Variants in TUSC3 observed in about 807,000 individuals in gnomAD.
The protein encoded by TUSC3 is dolichyl-diphosphooligosaccharide--protein glycosyltransferase subunit TUSC3.
In TUSC3, 45 loss-of-function variants were observed where a neutral mutation model predicts 44.8. That is an observed-to-expected ratio of 1.00 (90% confidence interval 0.79 to 1.29). TUSC3 has a LOEUF of 1.29. Ranked by LOEUF, TUSC3 falls within the 50% of genes most tolerant of loss-of-function variation. The pLI, the probability that TUSC3 is intolerant of heterozygous loss-of-function variation, is 0.00. For missense variants in TUSC3, 519 were observed against 437.9 expected, an observed-to-expected ratio of 1.19 and a Z score of -1.65; for synonymous variants, 212 against 152.9, an observed-to-expected ratio of 1.39 and a Z score of -2.85.
At chr8:15,823,864 A>T in the TUSC3 span, among the ~76,000 whole-genome samples, 1 of 152,202 alleles carries the variant, frequency 6.6e-6, no homozygotes, top group Admixed American at 6.5e-5. Context: ...TTCTGCTACA[A>T]ATCTCTTCCG....
At chr8:15,689,863 T>TGTGTGTGTGTAA (rs1554475557) in intron 6 of TUSC3, among the ~76,000 whole-genome samples, 210 of 14,780 alleles carry the variant, frequency 0.014, 1 homozygote, top group African/African-American at 0.022. Context: ...TGTGTGTGTG[T>TGTGTGTGTGTAA]ATAAATATAT....
intron 6 of TUSC3, among the ~76,000 whole-genome samples, chr8:15,725,737 A>G (rs1254214010): frequency 3.3e-5 from 5 of 152,292 alleles, no homozygotes; most frequent in East Asian, 3.9e-4. Context: ...GAGCTTAACA[A>G]TTTGAAGTTT....
At chr8:15,582,761 C>G (rs1263241736) in intron 1 of TUSC3, among the ~76,000 whole-genome samples, 1 of 152,214 alleles carries the variant, frequency 6.6e-6, no homozygotes, top group Non-Finnish European at 1.5e-5. Flanking sequence ...CTGGAACAAC[C>G]TGCCTCAACT....
chr8:15,640,214 C>T (rs116827454), intron 2 of TUSC3, among the ~76,000 whole-genome samples: 3,465 of 152,310 alleles, frequency 0.023, 125 homozygotes, highest in African/African-American at 0.077. Context: ...TTCTTGGGCA[C>T]TGAATCTGTA....
chr8:15,429,052 T>C (rs1382620591), intron 1 of TUSC3, among the ~76,000 whole-genome samples: 1 of 152,222 alleles, frequency 6.6e-6, no homozygotes, highest in African/African-American at 2.4e-5. Context: ...CCCATGCCTA[T>C]GTCCTGAATG....
chr8:15,732,648 A>G (rs1810772024), intron 7 of TUSC3, among the ~76,000 whole-genome samples: 1 of 152,226 alleles, frequency 6.6e-6, no homozygotes, highest in Non-Finnish European at 1.5e-5. Flanking sequence ...ATTTTTCTAG[A>G]GCAACATTTT....
intron 1 of TUSC3, among the ~76,000 whole-genome samples, chr8:15,601,331 A>G (rs1215068590): frequency 6.6e-6 from 1 of 151,784 alleles, no homozygotes; most frequent in East Asian, 1.9e-4. Flanking sequence ...TGTGACCAGT[A>G]TGCACCTGTA....
At chr8:15,629,546 C>T (rs1805664098) in intron 2 of TUSC3, among the ~76,000 whole-genome samples, 1 of 141,852 alleles carries the variant, frequency 7.0e-6, no homozygotes, top group Admixed American at 7.5e-5. Context: ...TCATTTGCGG[C>T]CATCTTGTTT....
At chr8:15,654,016 G>C in intron 3 of TUSC3, among the ~76,000 whole-genome samples, 1 of 152,122 alleles carries the variant, frequency 6.6e-6, no homozygotes, top group East Asian at 1.9e-4. Flanking sequence ...AATATGGTGT[G>C]TTAGAAGGAG....
chr8:15,547,248 T>G (rs1801901505), intron 1 of TUSC3, among the ~76,000 whole-genome samples: 1 of 151,582 alleles, frequency 6.6e-6, no homozygotes, highest in Non-Finnish European at 1.5e-5. Flanking sequence ...AATGGAAATA[T>G]TTGTGATTTT....
the TUSC3 span, among the ~76,000 whole-genome samples, chr8:15,787,448 T>C: frequency 1.3e-5 from 2 of 152,210 alleles, no homozygotes; most frequent in Non-Finnish European, 2.9e-5. Context: ...TTCTTGATTA[T>C]TGTATTTCCT....
rs143049580 is a variant in TUSC3 at position 15,525,844 on chromosome 8, C to A, written n.189+42361C>A. On this transcript the variant is annotated intron_variant and non_coding_transcript_variant, in intron 2 of 5. Coordinates refer to the TUSC3 transcript ENST00000503191. ...TGTGTGCTGGGGTAAAGAGCCTGATCGGTTAGGCCGTAATGGGGGAAAAAG... is the reference window on the plus strand; with the variant it reads ...TGTGTGCTGGGGTAAAGAGCCTGATAGGTTAGGCCGTAATGGGGGAAAAAG... 3.7e-3 allele frequency among the ~76,000 whole-genome samples: 564 copies of A among 152,096 alleles called. 1 individual carries two copies. Among genetic ancestry groups the A allele is most frequent in the African/African-American group, 0.01 (435 of 41,482 alleles).
At chr8:15,786,670 C>T in the TUSC3 span, among the ~76,000 whole-genome samples, 1 of 152,020 alleles carries the variant, frequency 6.6e-6, no homozygotes, top group Non-Finnish European at 1.5e-5. Context: ...GTGGGCCAGG[C>T]ATGGTGTCTC....
chr8:15,800,383 C>T, the TUSC3 span, among the ~76,000 whole-genome samples: 25 of 151,948 alleles, frequency 1.6e-4, no homozygotes, highest in South Asian at 3.9e-3. Flanking sequence ...GACCAGCCTG[C>T]GCAACATAGT....
intron 6 of TUSC3, among the ~76,000 whole-genome samples, chr8:15,695,267 G>C (rs1189349281): frequency 6.6e-6 from 1 of 152,144 alleles, no homozygotes; most frequent in Non-Finnish European, 1.5e-5. Flanking sequence ...GAATCATGGG[G>C]GTAGGTCTTT....
Position 15,613,028 on chromosome 8 carries a change from G to A in TUSC3, c.139-10052G>A, listed in dbSNP as rs76484336. On this transcript the variant is annotated intron_variant, in intron 1 of 10. Coordinates refer to ENST00000503731, the MANE Select transcript of TUSC3 (RefSeq NM_006765.4). ...CCGTTTACTTAAGAGCAGAGCTACA[G>A]CCATCGCATATCAATATAAGCCATA... Among the ~76,000 whole-genome samples, 1,460 of 149,516 alleles carry A rather than the reference G, an allele frequency of 9.8e-3. 59 individuals carry two copies. In the East Asian group the frequency reaches 0.11, roughly 11 times the overall value.
chr8:15,543,602 CTG>C lies in TUSC3; in HGVS notation c.138+3036_138+3037del, dbSNP rs371253969. 4.4e-4 allele frequency among the ~76,000 whole-genome samples: 67 copies of C among 151,724 alleles called. 1 individual carries two copies. The East Asian group carries it at 0.01, about 23-fold the overall frequency. On this transcript the variant is annotated intron_variant, in intron 1 of 10. Coordinates refer to ENST00000503731, the MANE Select transcript of TUSC3 (RefSeq NM_006765.4). ...ATATATAACTATATGTATATAAAGA[CTG>C]TATATAAAATGCTTAGTGCAATGCG... is the stretch of plus-strand genomic sequence containing the variant.
the TUSC3 span, among the ~76,000 whole-genome samples, chr8:15,843,476 T>G: frequency 1.3e-5 from 2 of 151,960 alleles, no homozygotes; most frequent in African/African-American, 4.8e-5. Context: ...TTTATAGCAA[T>G]GGGTGTCTCA....
chr8:15,484,963 C>A (rs1016493626), intron 2 of TUSC3, among the ~76,000 whole-genome samples: 1 of 152,150 alleles, frequency 6.6e-6, no homozygotes, highest in Non-Finnish European at 1.5e-5. Flanking sequence ...TGGTTATTTT[C>A]TTCTCACAGT....
Sources: allele counts gnomAD v4.1 joint callset (sites outside exome capture counted in the v4.1 genomes callset), GRCh38; gene constraint gnomAD v4.1.1; transcripts MANE v1.5; gene names NCBI Gene and HGNC (gene_info 2026-07-23, HGNC 2026-07-21).